Variants in NDST3 observed in about 807,000 individuals in gnomAD.
The protein encoded by NDST3 is N-deacetylase and N-sulfotransferase 3.
Under a neutral mutation model 96.1 loss-of-function variants are expected in NDST3, and 58 were observed. The observed-to-expected ratio is 0.60, with a 90% CI of 0.49 to 0.75. The LOEUF (loss-of-function observed/expected upper bound fraction) is 0.75, where lower values mean the gene tolerates loss of function less well. Ranked by LOEUF, NDST3 falls within the 30% of genes least tolerant of loss-of-function variation. The pLI is 0.00. For missense variants in NDST3, 788 were observed against 1,034.2 expected (o/e 0.76, Z 3.27); for synonymous variants, 333 against 359.7 (o/e 0.93, Z 0.84).
intron 6 of NDST3, among the ~76,000 whole-genome samples, chr4:118,205,732 G>C (rs1271128628): frequency 7.0e-6 from 1 of 143,874 alleles, no homozygotes; most frequent in African/African-American, 2.6e-5. Flanking sequence ...TATATGGCTT[G>C]TCTGACTGTA....
chr4:118,183,426 A>C (rs1736729661), intron 6 of NDST3, among the ~76,000 whole-genome samples: 1 of 152,200 alleles, frequency 6.6e-6, no homozygotes. Flanking sequence ...CAGTCTAATC[A>C]AATGGTCGGT....
intron 6 of NDST3, among the ~76,000 whole-genome samples, chr4:118,167,736 C>A (rs931163083): frequency 6.6e-6 from 1 of 151,876 alleles, no homozygotes; most frequent in Non-Finnish European, 1.5e-5. Context: ...GAACAGAATA[C>A]AGAGCCCAGA....
chr4:118,215,963 A>G (rs1289716038), intron 6 of NDST3, among the ~76,000 whole-genome samples: 1 of 152,088 alleles, frequency 6.6e-6, no homozygotes, highest in Non-Finnish European at 1.5e-5. Flanking sequence ...GAGCAAGGTG[A>G]CAATGAATAA....
intron 1 of NDST3, among the ~76,000 whole-genome samples, chr4:118,035,888 GATAAA>G (rs1560601179): frequency 1.3e-5 from 2 of 151,792 alleles, no homozygotes; most frequent in Non-Finnish European, 1.5e-5. Flanking sequence ...AAATGTTTTA[GATAAA>G]ATAAAACTTT....
At chr4:118,153,846 T>C (rs1021745859) in intron 6 of NDST3, among the ~76,000 whole-genome samples, 1 of 151,924 alleles carries the variant, frequency 6.6e-6, no homozygotes, top group Non-Finnish European at 1.5e-5. Context: ...TAATAATAAT[T>C]TTAATGACGT....
At chr4:118,172,917 G>A (rs2125939374) in intron 6 of NDST3, among the ~76,000 whole-genome samples, 1 of 152,146 alleles carries the variant, frequency 6.6e-6, no homozygotes, top group South Asian at 2.1e-4. Flanking sequence ...AGTCCATAGT[G>A]TGAGAGGTAA....
intron 5 of NDST3, among the ~76,000 whole-genome samples, chr4:118,141,434 G>C (rs4834666): frequency 0.82 from 124,291 of 152,110 alleles, 53,055 homozygotes; most frequent in South Asian, 0.95. Flanking sequence ...ACTGACTCCC[G>C]CTAGGGCTCT....
chr4:118,097,918 T>C (rs1729474642), intron 2 of NDST3, among the ~76,000 whole-genome samples: 1 of 151,930 alleles, frequency 6.6e-6, no homozygotes, highest in Non-Finnish European at 1.5e-5. Flanking sequence ...GTTTTGGGAA[T>C]GCAGCAGTGA....
intron 2 of NDST3, among the ~76,000 whole-genome samples, chr4:118,070,712 T>C (rs1166768126): frequency 1.3e-5 from 2 of 151,370 alleles, no homozygotes; most frequent in African/African-American, 4.9e-5. Context: ...GTTTGTTACA[T>C]ATGTATACAT....
chr4:118,077,801 C>T (rs914279069), intron 2 of NDST3, among the ~76,000 whole-genome samples: 2 of 152,226 alleles, frequency 1.3e-5, no homozygotes, highest in African/African-American at 4.8e-5. Flanking sequence ...AATCTGCTAT[C>T]CAAGTACTTC....
intron 9 of NDST3, among the ~76,000 whole-genome samples, chr4:118,233,606 T>TA (rs139096956): frequency 3.3e-5 from 5 of 152,078 alleles, no homozygotes; most frequent in South Asian, 2.1e-4. Flanking sequence ...ATCAAAGCTA[T>TA]AAAAAAAACT....
intron 7 of NDST3, among the ~76,000 whole-genome samples, chr4:118,226,684 C>G (rs1412281386): frequency 1.3e-5 from 2 of 152,102 alleles, no homozygotes; most frequent in Non-Finnish European, 2.9e-5. Context: ...CCAGCCTGCT[C>G]TGTAGACTCT....
chr4:118,215,680 T>C (rs1739151082), intron 6 of NDST3, among the ~76,000 whole-genome samples: 1 of 152,030 alleles, frequency 6.6e-6, no homozygotes, highest in Non-Finnish European at 1.5e-5. Context: ...TAGACTAAGA[T>C]CACATGGGAG....
chr4:118,245,857 T>C (rs1228636180), intron 12 of NDST3, among the ~76,000 whole-genome samples: 5 of 151,880 alleles, frequency 3.3e-5, no homozygotes, highest in Non-Finnish European at 7.4e-5. Flanking sequence ...TAAAAAAAAC[T>C]GGGGCACAGG....
At chr4:118,148,312 C>A (rs775818948) in intron 6 of NDST3, among the ~76,000 whole-genome samples, 1 of 152,040 alleles carries the variant, frequency 6.6e-6, no homozygotes, top group Non-Finnish European at 1.5e-5. Context: ...AAAATGCGCG[C>A]CAATACTACA....
At chr4:118,184,585 G>GTCTC (rs144222344) in intron 6 of NDST3, among the ~76,000 whole-genome samples, 3 of 117,316 alleles carry the variant, frequency 2.6e-5, no homozygotes, top group African/African-American at 8.9e-5. Flanking sequence ...GTCTCCCTTT[G>GTCTC]TCTCTCTCTC....
In NDST3 at chr4:118,253,175, T is replaced by G. The variant is rs116437461; in HGVS notation, c.2400-324T>G. On this transcript the variant is annotated intron_variant, in intron 12 of 13. Transcript: ENST00000296499. Reference sequence around the variant, plus strand: ...CTTGTTTTTAAACCCAAAAAAAAATTTGAATATTTATGCATTTTTTCCTTC... The same window carrying G: ...CTTGTTTTTAAACCCAAAAAAAAATGTGAATATTTATGCATTTTTTCCTTC... 9.8e-3 allele frequency among the ~76,000 whole-genome samples: 1,497 copies of G among 152,252 alleles called. 16 individuals are homozygous for G. Among genetic ancestry groups the G allele is most frequent in the African/African-American group, 0.024 (986 of 41,554 alleles).
At chr4:118,134,973 C>T (rs1231992148) in intron 4 of NDST3, among the ~76,000 whole-genome samples, 2 of 152,180 alleles carry the variant, frequency 1.3e-5, no homozygotes, top group Non-Finnish European at 1.5e-5. Flanking sequence ...TCAAATCGAA[C>T]AATCCAGAGG....
At chr4:118,140,948 ACTACACATC>A (rs1354424758) in intron 5 of NDST3, among the ~76,000 whole-genome samples, 4 of 152,032 alleles carry the variant, frequency 2.6e-5, no homozygotes, top group Non-Finnish European at 4.4e-5. Flanking sequence ...AAAAAATTAG[ACTACACATC>A]CTATCTACTT....
Sources: gnomAD v4.1 joint callset for allele counts (sites outside exome capture counted in the v4.1 genomes callset) on GRCh38, gnomAD v4.1.1 for gene constraint, MANE v1.5 for transcripts, NCBI Gene and HGNC (gene_info 2026-07-23, HGNC 2026-07-21) for gene names.